The following CAMTA1 variants were observed in gnomAD, a reference collection of about 807,000 sequenced individuals.
CAMTA1 encodes calmodulin-binding transcription activator 1.
Under a neutral mutation model 170.9 loss-of-function variants are expected in CAMTA1, and 27 were observed. The ratio of observed to expected loss-of-function variants is 0.16; its 90% confidence interval spans 0.12 to 0.22. The LOEUF (loss-of-function observed/expected upper bound fraction) is 0.22. Among genes scored for constraint, CAMTA1 ranks in the 10% least tolerant of loss-of-function variants. The probability of loss-of-function intolerance (pLI) is 1.00; values close to 1 mark genes in which losing one functional copy is unlikely to be tolerated. For synonymous variants in CAMTA1, 833 were observed against 891.5 expected (o/e 0.93, Z 1.17); for missense variants, 1,619 against 2,217.2 (o/e 0.73, Z 5.42).
intron 5 of CAMTA1, among the ~76,000 whole-genome samples, chr1:7,322,711 A>G (rs983874018): frequency 6.6e-6 from 1 of 152,230 alleles, no homozygotes; most frequent in African/African-American, 2.4e-5. Context: ...ACATTGCCTT[A>G]TCTTCTTAGT....
intron 6 of CAMTA1, among the ~76,000 whole-genome samples, chr1:7,607,874 C>A (rs1222643910): frequency 6.6e-6 from 1 of 152,176 alleles, no homozygotes; most frequent in African/African-American, 2.4e-5. Flanking sequence ...GAACTTTCTA[C>A]TGACCCCAGT....
chr1:7,311,235 C>T (rs1676686401), intron 5 of CAMTA1, among the ~76,000 whole-genome samples: 1 of 152,172 alleles, frequency 6.6e-6, no homozygotes, highest in South Asian at 2.1e-4. Flanking sequence ...TTCTAATATT[C>T]CAATAACACA....
intron 4 of CAMTA1, among the ~76,000 whole-genome samples, chr1:7,187,907 T>C (rs1653726833): frequency 6.6e-6 from 1 of 152,186 alleles, no homozygotes; most frequent in Non-Finnish European, 1.5e-5. Context: ...TATTAGTCTG[T>C]TATCACACTG....
intron 6 of CAMTA1, among the ~76,000 whole-genome samples, chr1:7,495,749 A>T (rs780181234): frequency 2.0e-5 from 3 of 152,234 alleles, no homozygotes; most frequent in Non-Finnish European, 4.4e-5. Context: ...TTAAGTGTTT[A>T]TCAGGGAGAT....
chr1:7,724,809 C>T (rs1026191654), intron 11 of CAMTA1, among the ~76,000 whole-genome samples: 5 of 129,310 alleles, frequency 3.9e-5, no homozygotes, highest in South Asian at 2.5e-4. Flanking sequence ...GGCAACAGAG[C>T]GAGACTCTCA....
At chr1:7,449,468 C>T (rs1476385832) in intron 5 of CAMTA1, among the ~76,000 whole-genome samples, 1 of 152,118 alleles carries the variant, frequency 6.6e-6, no homozygotes, top group Non-Finnish European at 1.5e-5. Flanking sequence ...TCAGTTATCT[C>T]ACCTAGAAGA....
In CAMTA1 at chr1:7,534,370, A is replaced by G. The variant is rs1575849625; in HGVS notation, c.510+66469A>G. On this transcript the variant is annotated intron_variant, in intron 6 of 22. Transcript: ENST00000303635. This position sits in a 1 kb window ranked among gnomAD's most constrained non-coding sequence, Gnocchi z 5.6. Reference sequence around the variant, plus strand: ...AAGGGAGGAATTAAATCTTCCTGACACCCCGGGGCCACACGGGGAGAGCTT... The same window carrying G: ...AAGGGAGGAATTAAATCTTCCTGACGCCCCGGGGCCACACGGGGAGAGCTT... Among the ~76,000 whole-genome samples the G allele has an allele frequency of 6.6e-6, 1 of 152,016 alleles. No homozygotes were observed. Among genetic ancestry groups the G allele is most frequent in the Admixed American group, 6.6e-5 (1 of 15,264 alleles).
chr1:7,297,694 T>G (rs923480175), intron 5 of CAMTA1, among the ~76,000 whole-genome samples: 4 of 152,240 alleles, frequency 2.6e-5, no homozygotes, highest in African/African-American at 9.6e-5. Context: ...CCCAAACTCT[T>G]GATTTTTGCC....
intron 4 of CAMTA1, among the ~76,000 whole-genome samples, chr1:7,100,138 G>A (rs1008521162): frequency 6.6e-5 from 10 of 152,122 alleles, no homozygotes; most frequent in African/African-American, 1.9e-4. Context: ...CTTGGCAGGC[G>A]GGTTAGCGTG....
intron 3 of CAMTA1, among the ~76,000 whole-genome samples, chr1:6,828,170 A>C (rs933888661): frequency 1.3e-5 from 2 of 149,586 alleles, no homozygotes; most frequent in Non-Finnish European, 3.0e-5. Context: ...GTATAATGTG[A>C]CTCCTCTATA....
chr1:7,547,170 T>C lies in CAMTA1; in HGVS notation c.510+79269T>C, dbSNP rs2094704879. Among the ~76,000 whole-genome samples the C allele has an allele frequency of 6.6e-6, 1 of 152,190 alleles. No individual in the cohort carries two copies. Among genetic ancestry groups the C allele is most frequent in the South Asian group, 2.1e-4 (1 of 4,826 alleles). Reference sequence around the variant, plus strand: ...AATCATTCTTTGAGCACTTCCTTGCTTTCTGAACAAGATGTTCCAGGCATA... The same window carrying C: ...AATCATTCTTTGAGCACTTCCTTGCCTTCTGAACAAGATGTTCCAGGCATA... On this transcript the variant is annotated intron_variant, in intron 6 of 22. Transcript: ENST00000303635. This position sits in a 1 kb window ranked among gnomAD's most constrained non-coding sequence, Gnocchi z 5.7.
At chr1:7,221,724 G>A (rs1660806099) in intron 4 of CAMTA1, among the ~76,000 whole-genome samples, 1 of 152,170 alleles carries the variant, frequency 6.6e-6, no homozygotes, top group South Asian at 2.1e-4. Context: ...GGGGCCACAT[G>A]AACCGGCTAA....
intron 3 of CAMTA1, among the ~76,000 whole-genome samples, chr1:6,897,660 C>T (rs1195829766): frequency 6.6e-6 from 1 of 152,084 alleles, no homozygotes; most frequent in Non-Finnish European, 1.5e-5. Flanking sequence ...TTAGTGTGTG[C>T]AGTACACTTG....
chr1:7,271,711 A>G (rs2149405576), intron 5 of CAMTA1, among the ~76,000 whole-genome samples: 1 of 152,274 alleles, frequency 6.6e-6, no homozygotes, highest in African/African-American at 2.4e-5. Context: ...AAAAGAGATC[A>G]ATAGATAGAC....
chr1:7,177,035 T>C (rs1367781238), intron 4 of CAMTA1, among the ~76,000 whole-genome samples: 1 of 151,976 alleles, frequency 6.6e-6, no homozygotes, highest in South Asian at 2.1e-4. Context: ...CAATAGACCA[T>C]GCCCCCTCCC....
chr1:7,089,975 G>A (rs942854519), intron 3 of CAMTA1, among the ~76,000 whole-genome samples: 1 of 152,198 alleles, frequency 6.6e-6, no homozygotes. Context: ...TTCTTCAGCT[G>A]CAGTCAGTGA....
chr1:7,166,292 T>G lies in CAMTA1; in HGVS notation c.302+74921T>G, dbSNP rs1648407913. ...CATGTTAGCCAGGATGGTCTCAATC[T>G]CCTGACTGCGTGATCTGCCTGCCTC... is the stretch of plus-strand genomic sequence containing the variant. On this transcript the variant is annotated intron_variant, in intron 4 of 22. Transcript: ENST00000303635. Among the ~76,000 whole-genome samples, 4 of 152,076 alleles carry G rather than the reference T, an allele frequency of 2.6e-5. No individual in the cohort carries two copies. In the South Asian group the frequency reaches 8.3e-4, roughly 32 times the overall value.
Position 7,599,416 on chromosome 1 carries a change from G to A in CAMTA1, c.511-40984G>A, listed in dbSNP as rs543568120. Among the ~76,000 whole-genome samples the A allele has an allele frequency of 4.6e-5, 7 of 152,278 alleles. No homozygotes were observed. The South Asian group carries it at 6.2e-4, about 14-fold the overall frequency. ...TCTTTTGGCTTAGGATTGATTTGGC[G>A]ATGCGGGCTCTTTTCTTGTTCCATA... On this transcript the variant is annotated intron_variant, in intron 6 of 22. Coordinates refer to ENST00000303635, the MANE Select transcript of CAMTA1 (RefSeq NM_015215.4).
At chr1:6,796,024 A>C (rs1642395739) in intron 1 of CAMTA1, among the ~76,000 whole-genome samples, 2 of 151,356 alleles carry the variant, frequency 1.3e-5, no homozygotes, top group Admixed American at 6.6e-5. Context: ...TAATTATCTC[A>C]TGATTTTGTG....
Sources: gnomAD v4.1 joint callset for allele counts (sites outside exome capture counted in the v4.1 genomes callset) on GRCh38, gnomAD v4.1.1 for gene constraint, Gnocchi (gnomAD v3.1) non-coding constraint, MANE v1.5 for transcripts, NCBI Gene and HGNC (gene_info 2026-07-23, HGNC 2026-07-21) for gene names.